Variants in RASGEF1B observed in about 807,000 individuals in gnomAD.
The protein encoded by RASGEF1B is RasGEF domain family member 1B.
A neutral mutation model predicts 65.7 loss-of-function variants in RASGEF1B; 30 were observed. The observed-to-expected ratio is 0.46, with a 90% CI of 0.34 to 0.62. The LOEUF is 0.62. RASGEF1B is among the 20% of genes least tolerant of loss of function. RASGEF1B has a pLI of 0.01. For synonymous variants in RASGEF1B, 175 were observed against 194.8 expected, an observed-to-expected ratio of 0.90 and a Z score of 0.85; for missense variants, 495 against 580.1, an observed-to-expected ratio of 0.85 and a Z score of 1.51.
chr4:81,435,650 A>AT (rs538094335), intron 10 of RASGEF1B, among the ~76,000 whole-genome samples: 2 of 138,504 alleles, frequency 1.4e-5, no homozygotes, highest in Admixed American at 7.2e-5. Context: ...TTTTTTTTGT[A>AT]TTTTTTAGTA....
chr4:81,453,743 G>A (rs1722348584), intron 4 of RASGEF1B: 1 of 152,226 alleles, frequency 6.6e-6, no homozygotes, highest in African/African-American at 2.4e-5. Flanking sequence ...CTGATAAGGA[G>A]CCTGAAGCCA....
At position 81,434,662 on chromosome 4, in the gene RASGEF1B, G is replaced by GA. The variant is rs1319395021; in HGVS notation, c.1176dup (p.Pro393SerfsTer8). Reference sequence around the variant, plus strand: ...ACCTCAAAATTGACATGGCCATTGGGAAGGCGGTTGGCACAACCCTCATTG... The same window carrying GA: ...ACCTCAAAATTGACATGGCCATTGGGAAAGGCGGTTGGCACAACCCTCATTG... On this transcript the variant is annotated frameshift_variant, in exon 11 of 14. Transcript: ENST00000264400. LOFTEE classifies it high-confidence loss of function. The GA allele has an allele frequency of 1.2e-6, 2 of 1,602,870 alleles. No homozygotes were observed. Among genetic ancestry groups the GA allele is most frequent in the Non-Finnish European group, 1.7e-6 (2 of 1,169,850 alleles).
intron 1 of RASGEF1B, among the ~76,000 whole-genome samples, chr4:81,465,898 GAC>G (rs1341241239): frequency 3.3e-5 from 5 of 152,090 alleles, no homozygotes; most frequent in African/African-American, 4.8e-5. Flanking sequence ...CTTGGAAAGA[GAC>G]AGAAAATGTA....
chr4:81,427,678 G>A lies in RASGEF1B; in HGVS notation c.*90C>T. 1 of 1,498,076 alleles carries A rather than the reference G, an allele frequency of 6.7e-7. No homozygotes were observed. Among genetic ancestry groups the A allele is most frequent in the East Asian group, 2.3e-5 (1 of 44,236 alleles). The allele number at this position is 1,498,076 out of a possible 1,614,324, so 92.8% of individuals were successfully genotyped here. On this transcript the variant is annotated 3_prime_UTR_variant, in exon 14 of 14. Transcript: ENST00000264400. ...CAATGACTGCAGGGTCTTCATGAGT[G>A]TTCGTGGTACGAGATGCCAGAAAAC...
At chr4:81,459,869 G>A (rs1402064116) in intron 1 of RASGEF1B, among the ~76,000 whole-genome samples, 1 of 152,130 alleles carries the variant, frequency 6.6e-6, no homozygotes, top group Non-Finnish European at 1.5e-5. Context: ...TTTATCGCAT[G>A]GAGTCAACAA....
chr4:81,469,495 A>G (rs1408575598), intron 1 of RASGEF1B, among the ~76,000 whole-genome samples: 1 of 152,154 alleles, frequency 6.6e-6, no homozygotes, highest in Non-Finnish European at 1.5e-5. Context: ...AGAAAGGTGT[A>G]TTGAATTGTT....
intron 9 of RASGEF1B, among the ~76,000 whole-genome samples, 199 bp from the exon 10 acceptor site, chr4:81,441,128 G>A (rs74595545): frequency 0.056 from 8,559 of 152,162 alleles, 371 homozygotes; most frequent in African/African-American, 0.11. Context: ...GTAATTATGC[G>A]AGCTGATGTC....
At chr4:81,428,952 G>C (rs1329659000) in intron 13 of RASGEF1B, among the ~76,000 whole-genome samples, 1 of 152,204 alleles carries the variant, frequency 6.6e-6, no homozygotes, top group Admixed American at 6.5e-5. Context: ...ACTTCTTCGT[G>C]GTTGCTATGC....
intron 1 of RASGEF1B, among the ~76,000 whole-genome samples, chr4:81,466,802 G>GAAAGAAAGAAAGAAAA (rs1722845356): frequency 6.9e-6 from 1 of 144,704 alleles, no homozygotes; most frequent in Non-Finnish European, 1.5e-5. Context: ...AAGAAAGAAA[G>GAAAGAAAGAAAGAAAA]AAAGAAAGAA....
At chr4:81,458,596 C>T (rs537590462) in intron 2 of RASGEF1B, among the ~76,000 whole-genome samples, 11 of 152,264 alleles carry the variant, frequency 7.2e-5, no homozygotes, top group Non-Finnish European at 1.6e-4. Flanking sequence ...ACCAGCTGCT[C>T]GGCAAATCTC....
chr4:81,467,503 A>G (rs1266607161), intron 1 of RASGEF1B, among the ~76,000 whole-genome samples: 2 of 152,206 alleles, frequency 1.3e-5, no homozygotes, highest in Admixed American at 1.3e-4. Flanking sequence ...TTGAATGTAA[A>G]GAATGTAATG....
chr4:81,471,261 A>C (rs1164529479), intron 1 of RASGEF1B: 3 of 152,460 alleles, frequency 2.0e-5, no homozygotes, highest in African/African-American at 7.2e-5. Flanking sequence ...ACACACGCAC[A>C]CAAAACTGGT....
intron 1 of RASGEF1B, among the ~76,000 whole-genome samples, chr4:81,460,776 A>G (rs1722614492): frequency 6.6e-6 from 1 of 152,236 alleles, no homozygotes; most frequent in Non-Finnish European, 1.5e-5. Context: ...CATCAAGAAA[A>G]ATAAATGGGA....
intron 10 of RASGEF1B, among the ~76,000 whole-genome samples, chr4:81,436,823 C>A (rs1308067087): frequency 6.6e-6 from 1 of 152,172 alleles, no homozygotes; most frequent in Non-Finnish European, 1.5e-5. Context: ...ATTTAAAAAA[C>A]AAGTTTTGAT....
At chr4:81,461,417 C>T (rs1370878517) in intron 1 of RASGEF1B, among the ~76,000 whole-genome samples, 1 of 152,136 alleles carries the variant, frequency 6.6e-6, no homozygotes, top group Non-Finnish European at 1.5e-5. Flanking sequence ...GAGTGTCATG[C>T]CCTTGGAATT....
intron 12 of RASGEF1B, among the ~76,000 whole-genome samples, chr4:81,433,091 T>C (rs1460163977): frequency 1.3e-5 from 2 of 150,706 alleles, no homozygotes. Context: ...TAATCAGGCA[T>C]GGTGGTGCAC....
intron 10 of RASGEF1B, among the ~76,000 whole-genome samples, chr4:81,438,442 G>A (rs1008310471): frequency 5.9e-5 from 9 of 152,344 alleles, no homozygotes; most frequent in East Asian, 1.9e-4. Flanking sequence ...GGGCCACCAC[G>A]CCCGGCCAAG....
rs1722744887 is a variant in RASGEF1B, at chr4:81,464,586, CA to C, written c.-6-5073del. ...GGCTCTTAACTCTTTAGGGAGATCACAAACCTCTCCCCATCACCACCCCCAG... is the reference window on the plus strand; with the variant it reads ...GGCTCTTAACTCTTTAGGGAGATCACAACCTCTCCCCATCACCACCCCCAG... On this transcript the variant is annotated intron_variant, in intron 1 of 13. Coordinates refer to ENST00000264400, the MANE Select transcript of RASGEF1B (RefSeq NM_152545.3). Among the ~76,000 whole-genome samples, 3 of 152,264 alleles carry C rather than the reference CA, an allele frequency of 2.0e-5. No homozygotes were observed. The South Asian group carries it at 6.2e-4, about 32-fold the overall frequency.
chr4:81,448,428 A>G lies in RASGEF1B; in HGVS notation c.439-144T>C, dbSNP rs1468808239. 5 of 688,090 alleles carry G rather than the reference A, an allele frequency of 7.3e-6. No individual in the cohort carries two copies. The Admixed American group carries it at 1.2e-4, about 16-fold the overall frequency. 42.6% of individuals were successfully genotyped at this position (688,090 alleles called of 1,614,324 possible). On this transcript the variant is annotated intron_variant, in intron 4 of 13. Transcript: ENST00000264400. ...AGGGCAGTTACGGGAAGATTCAGCT[A>G]GCTCTAACAGTTTGAGACACATGCA...
Sources: gnomAD v4.1 joint callset for allele counts (sites outside exome capture counted in the v4.1 genomes callset) on GRCh38, gnomAD v4.1.1 for gene constraint, MANE v1.5 for transcripts, NCBI Gene and HGNC (gene_info 2026-07-23, HGNC 2026-07-21) for gene names.